The following DMD variants were observed in gnomAD, a reference collection of about 807,000 sequenced individuals.
DMD encodes the protein dystrophin, also known as mutant dystrophin.
DMD carries 63 observed loss-of-function variants against 330.1 expected under a neutral mutation model. The observed-to-expected ratio is 0.19, with a 90% CI of 0.16 to 0.24. The LOEUF (loss-of-function observed/expected upper bound fraction) is 0.24. DMD is among the 10% of genes least tolerant of loss of function. The probability of loss-of-function intolerance (pLI) is 1.00; values close to 1 mark genes in which losing one functional copy is unlikely to be tolerated. For synonymous variants in DMD, 1,223 were observed against 959.8 expected (o/e 1.27, Z -5.07); for missense variants, 3,344 against 2,684.1 (o/e 1.25, Z -5.43).
In DMD at chrX:32,806,138, C is replaced by A. The variant is rs1226124405; in HGVS notation, c.649+3355G>T. On this transcript the variant is annotated intron_variant, in intron 7 of 78. Transcript: ENST00000357033. ...GCCCCAATTAAAAGACACAGACTGG[C>A]AAATTGGATGAAGAGTCAAGACCAA... is the stretch of plus-strand genomic sequence containing the variant. Among the ~76,000 whole-genome samples, 4 of 111,868 alleles carry A rather than the reference C, an allele frequency of 3.6e-5. No individual in the cohort carries two copies. In the Admixed American group the frequency reaches 3.8e-4, roughly 11 times the overall value.
chrX:31,310,205 C>CT (rs1569523703), intron 62 of DMD, among the ~76,000 whole-genome samples: 6 of 34,783 alleles, frequency 1.7e-4, no homozygotes, highest in African/African-American at 1.0e-3. Context: ...CTCTCTCTCT[C>CT]CATATATATA....
intron 62 of DMD, among the ~76,000 whole-genome samples, chrX:31,309,992 G>T (rs1159538049): frequency 9.0e-6 from 1 of 110,638 alleles, no homozygotes; most frequent in Non-Finnish European, 1.9e-5. Context: ...TTATAGATAG[G>T]GATTTGCAGG....
chrX:32,872,311 T>C (rs1036618781), intron 2 of DMD, among the ~76,000 whole-genome samples: 6 of 112,074 alleles, frequency 5.4e-5, no homozygotes, highest in African/African-American at 1.9e-4. Flanking sequence ...TCCATGTTCA[T>C]GGCCAGTTCA....
At chrX:32,275,447 T>C (rs1313001594) in intron 43 of DMD, among the ~76,000 whole-genome samples, 4 of 111,827 alleles carry the variant, frequency 3.6e-5, no homozygotes, top group African/African-American at 1.3e-4. Flanking sequence ...ATTCAGGTGG[T>C]TTCTGACATT....
chrX:32,717,986 TA>T (rs1427421042), intron 7 of DMD, among the ~76,000 whole-genome samples: 10 of 111,923 alleles, frequency 8.9e-5, no homozygotes, highest in Non-Finnish European at 3.8e-5. Context: ...ATCTTGGAAG[TA>T]ACTCATTTTG....
intron 45 of DMD, among the ~76,000 whole-genome samples, chrX:31,961,748 T>TTTTGTTTTTTTTTTTTGTTTTTG (rs2095306995): frequency 1.0e-5 from 1 of 96,742 alleles, no homozygotes; most frequent in African/African-American, 4.4e-5. Context: ...CGGTTTTTTT[T>TTTTGTTTTTTTTTTTTGTTTTTG]TTTTTTTGTC....
At chrX:32,815,395 G>A (rs1472570803) in intron 6 of DMD, among the ~76,000 whole-genome samples, 1 of 105,184 alleles carries the variant, frequency 9.5e-6, no homozygotes, top group East Asian at 3.0e-4. Context: ...CAGTTAATTA[G>A]GCAATGCATT....
intron 43 of DMD, among the ~76,000 whole-genome samples, chrX:32,252,583 C>CATATATAT (rs1340540433): frequency 9.5e-5 from 3 of 31,511 alleles, no homozygotes; most frequent in Admixed American, 1.5e-3. Context: ...TATATAGTGC[C>CATATATAT]ATATATATAT....
chrX:32,429,268 G>A (rs766412774), intron 29 of DMD, among the ~76,000 whole-genome samples: 1 of 89,850 alleles, frequency 1.1e-5, no homozygotes, highest in Admixed American at 1.3e-4. Flanking sequence ...GGAGTGAAAT[G>A]GCATGATCTC....
intron 44 of DMD, among the ~76,000 whole-genome samples, chrX:32,168,475 A>T (rs1165868901): frequency 9.3e-6 from 1 of 107,312 alleles, no homozygotes; most frequent in African/African-American, 3.4e-5. Flanking sequence ...GAGTTTAAGC[A>T]GTTTTCATAA....
At chrX:31,670,249 T>G (rs1202613467) in intron 53 of DMD, among the ~76,000 whole-genome samples, 1 of 111,918 alleles carries the variant, frequency 8.9e-6, no homozygotes, top group South Asian at 3.7e-4. Flanking sequence ...TAGAGATAAT[T>G]TTACTTATTC....
chrX:32,523,278 T>A (rs990313350), intron 17 of DMD, among the ~76,000 whole-genome samples: 5 of 111,472 alleles, frequency 4.5e-5, no homozygotes, highest in African/African-American at 1.6e-4. Context: ...TCCCCTCCTG[T>A]CTTTAACTCC....
chrX:32,236,577 C>T lies in DMD; in HGVS notation c.6291-19514G>A, dbSNP rs769099982. Reference sequence around the variant, plus strand: ...GGGCAGGTCCTTCCCATGCTGTTCTCGTGATAGTAAATTAGTCTCATGAGA... The same window carrying T: ...GGGCAGGTCCTTCCCATGCTGTTCTTGTGATAGTAAATTAGTCTCATGAGA... On this transcript the variant is annotated intron_variant, in intron 43 of 78. Transcript: ENST00000357033. 2.7e-3 allele frequency among the ~76,000 whole-genome samples: 300 copies of T among 111,189 alleles called. 1 individual carries two copies. The highest frequency in any genetic ancestry group is 9.5e-3 in the Middle Eastern group (2 of 211).
At chrX:32,616,823 G>T (rs1181634592) in intron 11 of DMD, among the ~76,000 whole-genome samples, 2 of 103,998 alleles carry the variant, frequency 1.9e-5, no homozygotes, top group Non-Finnish European at 3.9e-5. Context: ...AAGTGGATGT[G>T]TGAGTGTGTA....
intron 62 of DMD, among the ~76,000 whole-genome samples, chrX:31,293,432 C>A (rs2053928509): frequency 9.0e-6 from 1 of 111,013 alleles, no homozygotes; most frequent in African/African-American, 3.3e-5. Context: ...CCCTCGAAAA[C>A]AATGCATTCA....
chrX:32,085,699 T>G (rs1348504694), intron 44 of DMD, among the ~76,000 whole-genome samples: 1 of 104,962 alleles, frequency 9.5e-6, no homozygotes, highest in Non-Finnish European at 1.9e-5. Context: ...TACGTATATA[T>G]ACACACGCGT....
At chrX:32,479,064 T>A (rs776262605) in intron 21 of DMD, among the ~76,000 whole-genome samples, 1 of 111,617 alleles carries the variant, frequency 9.0e-6, no homozygotes, top group East Asian at 2.8e-4. Flanking sequence ...TAAGAGTTTT[T>A]TTCTTTTGCT....
At chrX:31,744,967 T>C (rs1382311619) in intron 51 of DMD, among the ~76,000 whole-genome samples, 1 of 111,983 alleles carries the variant, frequency 8.9e-6, no homozygotes, top group African/African-American at 3.2e-5. Context: ...GGCCAGCCCA[T>C]GCATGCTCGC....
intron 45 of DMD, among the ~76,000 whole-genome samples, chrX:31,944,521 C>A (rs1569519846): frequency 9.4e-6 from 1 of 106,016 alleles, no homozygotes; most frequent in Non-Finnish European, 1.9e-5. Flanking sequence ...CTCTGTCGCC[C>A]GGCTGGAGTG....
Sources: allele counts gnomAD v4.1 joint callset (sites outside exome capture counted in the v4.1 genomes callset), GRCh38; gene constraint gnomAD v4.1.1; transcripts MANE v1.5; gene names NCBI Gene and HGNC (gene_info 2026-07-23, HGNC 2026-07-21).